CERKL: variants seen among roughly 807,000 people sequenced by gnomAD.
CERKL encodes the protein CERK like autophagy regulator.
A neutral mutation model predicts 63.4 loss-of-function variants in CERKL; 61 were observed. That is an observed-to-expected ratio of 0.96 (90% CI 0.78 to 1.19). CERKL has a LOEUF of 1.19. Among genes scored for constraint, CERKL ranks in the 50% most tolerant of loss-of-function variants. The pLI, the probability that CERKL is intolerant of heterozygous loss-of-function variation, is 0.00. For missense variants in CERKL, 675 were observed against 655.5 expected (o/e 1.03, Z -0.33); for synonymous variants, 250 against 230.5 (o/e 1.08, Z -0.77).
At chr2:181,573,603 C>A (rs771769615) in intron 3 of CERKL, 150 bp downstream of exon 3, 4 of 443,324 alleles carry the variant, frequency 9.0e-6, no homozygotes, top group Non-Finnish European at 1.6e-5. Context: ...TAAATTATAA[C>A]CCTCGAGCTG....
chr2:181,646,709 A>G (rs1687686137), intron 1 of CERKL, among the ~76,000 whole-genome samples: 1 of 152,226 alleles, frequency 6.6e-6, no homozygotes, highest in Admixed American at 6.5e-5. Context: ...TATTACAAAA[A>G]CCAAGAGAGT....
Position 181,564,303 on chromosome 2 carries a change from G to A in CERKL, c.677+1755C>T, listed in dbSNP as rs184661297. ...CCTGATTTAAAGAGTCTTAGAACAC[G>A]GAAGATGACTTTCAGTAGAAATTTG... On this transcript the variant is annotated intron_variant, in intron 4 of 12. Transcript: ENST00000410087. Among the ~76,000 whole-genome samples, 267 of 152,192 alleles carry A rather than the reference G, an allele frequency of 1.8e-3. 2 individuals are homozygous for A. The highest frequency in any genetic ancestry group is 5.7e-3 in the African/African-American group (238 of 41,536).
At chr2:181,606,557 AGAGGGTAGGGGAGAAGGGG>A (rs1685727607) in intron 1 of CERKL, among the ~76,000 whole-genome samples, 1 of 15,732 alleles carries the variant, frequency 6.4e-5, no homozygotes, top group Non-Finnish European at 1.3e-4. Flanking sequence ...AGGGGGGAGG[AGAGGGTAGGGGAGAAGGGG>A]GAGGGTAGGG....
chr2:181,598,412 G>A (rs1574484656), intron 2 of CERKL, among the ~76,000 whole-genome samples: 1 of 152,084 alleles, frequency 6.6e-6, no homozygotes, highest in Non-Finnish European at 1.5e-5. Context: ...TGATAGAAAA[G>A]CAGATCACAT....
In CERKL at chr2:181,638,381, A is replaced by T. The variant is rs532974672; in HGVS notation, c.238+18388T>A. Among the ~76,000 whole-genome samples the T allele has an allele frequency of 2.0e-4, 30 of 152,316 alleles. No homozygotes were observed. In the South Asian group the frequency reaches 4.1e-3, roughly 21 times the overall value. Reference sequence around the variant, plus strand: ...CCTGGAATATCTTGCCATTCCAGAAAGCAGGGAAGCTATCAGACAGCTGAG... The same window carrying T: ...CCTGGAATATCTTGCCATTCCAGAATGCAGGGAAGCTATCAGACAGCTGAG... On this transcript the variant is annotated intron_variant, in intron 1 of 12. Transcript: ENST00000410087.
chr2:181,607,039 C>A (rs1014379767), intron 1 of CERKL, among the ~76,000 whole-genome samples: 1 of 152,184 alleles, frequency 6.6e-6, no homozygotes, highest in Non-Finnish European at 1.5e-5. Flanking sequence ...TAGGTTATAT[C>A]TATCTATAAT....
intron 1 of CERKL, among the ~76,000 whole-genome samples, chr2:181,642,872 T>C (rs916984745): frequency 2.0e-5 from 3 of 152,214 alleles, no homozygotes; most frequent in Admixed American, 6.5e-5. Flanking sequence ...CATCATGAAA[T>C]AGCTGCTTAA....
intron 3 of CERKL, among the ~76,000 whole-genome samples, chr2:181,571,227 G>C (rs1478782688): frequency 6.6e-5 from 10 of 152,110 alleles, no homozygotes; most frequent in Non-Finnish European, 2.9e-5. Context: ...ATAAGCAAAT[G>C]ATGTAATTTT....
intron 2 of CERKL, 97 bp from the exon 3 acceptor site, chr2:181,573,981 G>T: frequency 1.8e-6 from 2 of 1,084,428 alleles, no homozygotes; most frequent in Non-Finnish European, 2.8e-6. Context: ...AATGTTATAT[G>T]CATTTAAATA....
intron 5 of CERKL, among the ~76,000 whole-genome samples, chr2:181,553,978 A>G (rs145266568): frequency 6.6e-6 from 1 of 152,266 alleles, no homozygotes; most frequent in African/African-American, 2.4e-5. Context: ...CAAAAGCTAT[A>G]AATGTTCTAC....
At chr2:181,547,946 T>A in intron 8 of CERKL, 99 bp from the exon 9 acceptor site, 1 of 1,151,160 alleles carries the variant, frequency 8.7e-7, no homozygotes, top group Non-Finnish European at 1.3e-6. Flanking sequence ...ATTAGAGAAC[T>A]CATCATTATA....
In CERKL at chr2:181,547,719, A is replaced by G. The variant is rs1448337166; in HGVS notation, c.1167T>C (p.Asn389=). 3 of 1,614,068 alleles carry G rather than the reference A, an allele frequency of 1.9e-6. No individual in the cohort carries two copies. The highest frequency in any genetic ancestry group is 4.5e-5 in the East Asian group (2 of 44,870). The change falls in exon 10 of 13, where the codon AAT becomes AAC. Residue 389 remains asparagine, a synonymous_variant. Coordinates refer to ENST00000410087, the MANE Select transcript of CERKL (RefSeq NM_201548.5). Reference sequence around the variant, plus strand: ...GACCCTGGATCATTTGCCATTGATCATTACAGTCTAAAGGTAATGAAAGTG... The same window carrying G: ...GACCCTGGATCATTTGCCATTGATCGTTACAGTCTAAAGGTAATGAAAGTG... ...RAQGSPKSDC[N]DQWQMIQGQF... is the part of the protein sequence containing the mutation.
rs756827673 is a variant in CERKL at position 181,539,083 on chromosome 2, T to C, written c.1538+9A>G. ...GGTTGACAATAAGCGGTGAAATAAA[T>C]AGACTTACCTAATATGGACCTCTGA... On this transcript the variant is annotated intron_variant, in intron 12 of 12. Transcript: ENST00000410087. 30 of 1,556,976 alleles carry C rather than the reference T, an allele frequency of 1.9e-5. No homozygotes were observed. Among genetic ancestry groups the C allele is most frequent in the Non-Finnish European group, 2.7e-5 (30 of 1,128,556 alleles).
chr2:181,539,169 A>C lies in CERKL; in HGVS notation c.1461T>G (p.Asp487Glu). ...TGGYNPEEEE[D>E]ETASENCFPW... ...GGAAACAATTTTCTGAAGCAGTTTC[A>C]TCCTCCTCCTCCTCTGGATTATATC... is the stretch of plus-strand genomic sequence containing the variant. The change falls in exon 12 of 13, where the codon GAT becomes GAG. Residue 487 changes from aspartate to glutamate, a missense_variant. Asp to Glu is a conservative substitution (Grantham distance 45, BLOSUM62 2). Transcript: ENST00000410087. The C allele has an allele frequency of 6.2e-7, 1 of 1,606,728 alleles. No homozygotes were observed. The highest frequency in any genetic ancestry group is 1.1e-5 in the South Asian group (1 of 90,926).
rs115413862 is a variant in CERKL, at chr2:181,575,463, A to C, written c.482-1579T>G. ...ATGTATCCACAAATACAGACAGCAC[A>C]AAACACAGAGGCTGGTTAACAGAGA... On this transcript the variant is annotated intron_variant, in intron 2 of 12. Transcript: ENST00000410087. Among the ~76,000 whole-genome samples the C allele has an allele frequency of 3.9e-3, 588 of 152,338 alleles. 7 individuals carry two copies. The highest frequency in any genetic ancestry group is 0.014 in the African/African-American group (565 of 41,578).
chr2:181,656,679 G>T, intron 1 of CERKL, 90 bp downstream of exon 1: 1 of 1,125,282 alleles, frequency 8.9e-7, no homozygotes, highest in Non-Finnish European at 1.2e-6. Flanking sequence ...AAAGGGGAGG[G>T]TGGAGCAAAA....
chr2:181,655,028 A>G (rs1688098943), intron 1 of CERKL, among the ~76,000 whole-genome samples: 1 of 152,170 alleles, frequency 6.6e-6, no homozygotes, highest in Non-Finnish European at 1.5e-5. Context: ...TGTGCCCCCA[A>G]TTTTAGAGGC....
At chr2:181,588,583 C>G (rs1157141965) in intron 2 of CERKL, among the ~76,000 whole-genome samples, 2 of 152,156 alleles carry the variant, frequency 1.3e-5, no homozygotes, top group Non-Finnish European at 2.9e-5. Flanking sequence ...CTTCAATATA[C>G]TGATTTCCTT....
chr2:181,605,869 T>C (rs1685653664), intron 1 of CERKL, among the ~76,000 whole-genome samples: 1 of 152,096 alleles, frequency 6.6e-6, no homozygotes, highest in African/African-American at 2.4e-5. Context: ...ATGAACAATG[T>C]TATCCTCCGA....
Sources: gnomAD v4.1 joint callset for allele counts (sites outside exome capture counted in the v4.1 genomes callset) on GRCh38, gnomAD v4.1.1 for gene constraint, MANE v1.5 for transcripts, NCBI Gene and HGNC (gene_info 2026-07-23, HGNC 2026-07-21) for gene names.